SHISA9: variants seen among roughly 807,000 people sequenced by gnomAD.
SHISA9 encodes the protein shisa family member 9.
SHISA9 carries 13 observed loss-of-function variants against 38.0 expected under a neutral mutation model. The ratio of observed to expected loss-of-function variants is 0.34; its 90% CI spans 0.22 to 0.54. The LOEUF (loss-of-function observed/expected upper bound fraction) is 0.54. SHISA9 is among the 20% of genes least tolerant of loss of function. The pLI, the probability that SHISA9 is intolerant of heterozygous loss-of-function variation, is 0.91. For synonymous variants in SHISA9, 275 were observed against 242.0 expected, an observed-to-expected ratio of 1.14 and a Z score of -1.27; for missense variants, 538 against 575.8, an observed-to-expected ratio of 0.93 and a Z score of 0.67.
intron 1 of SHISA9, chr16:12,910,162 A>T (rs2141712977): frequency 6.6e-6 from 1 of 152,456 alleles, no homozygotes; most frequent in Admixed American, 6.5e-5. Flanking sequence ...TGGCCCTTTT[A>T]TTATTCATAG....
chr16:13,402,487 T>C, the SHISA9 span, among the ~76,000 whole-genome samples: 1 of 151,864 alleles, frequency 6.6e-6, no homozygotes, highest in African/African-American at 2.4e-5. Context: ...GATTGGATGA[T>C]GTCACCTACA....
At chr16:13,001,667 C>G (rs913304361) in intron 2 of SHISA9, among the ~76,000 whole-genome samples, 12 of 152,152 alleles carry the variant, frequency 7.9e-5, no homozygotes, top group Non-Finnish European at 1.5e-4. Flanking sequence ...ATGTTTAACT[C>G]AAACTCATAA....
At chr16:13,349,386 G>T in the SHISA9 span, among the ~76,000 whole-genome samples, 2 of 152,334 alleles carry the variant, frequency 1.3e-5, no homozygotes, top group East Asian at 3.9e-4. Flanking sequence ...TGAAGTGATA[G>T]GGGACAGACT....
At chr16:13,220,192 T>C (rs2051209631) in intron 4 of SHISA9, among the ~76,000 whole-genome samples, 1 of 152,166 alleles carries the variant, frequency 6.6e-6, no homozygotes, top group Admixed American at 6.5e-5. Context: ...TCTTCTTATC[T>C]CAGGTGATTT....
chr16:13,479,788 T>C, the SHISA9 span, among the ~76,000 whole-genome samples: 1 of 152,166 alleles, frequency 6.6e-6, no homozygotes, highest in Admixed American at 6.5e-5. Flanking sequence ...TCACTGGTGG[T>C]TTGGTAAAGC....
intron 2 of SHISA9, among the ~76,000 whole-genome samples, chr16:13,043,635 C>G (rs1216115956): frequency 2.6e-5 from 4 of 152,230 alleles, no homozygotes; most frequent in African/African-American, 9.6e-5. Flanking sequence ...CCTCCCACAG[C>G]TTGAACTCAC....
intron 3 of SHISA9, 150 bp from the exon 4 acceptor site, chr16:13,213,103 G>A: frequency 1.6e-6 from 1 of 635,306 alleles, no homozygotes; most frequent in Non-Finnish European, 2.8e-6. Flanking sequence ...TTCACACGTG[G>A]CTCCCTTCCC....
chr16:13,533,781 ATTTTTT>A, the SHISA9 span, among the ~76,000 whole-genome samples: 2 of 128,178 alleles, frequency 1.6e-5, no homozygotes, highest in Admixed American at 8.0e-5. Context: ...ATAACTCTCA[ATTTTTT>A]TTTTTTTTTT....
chr16:12,942,881 T>C (rs781360438), intron 2 of SHISA9, among the ~76,000 whole-genome samples: 2 of 152,146 alleles, frequency 1.3e-5, no homozygotes, highest in Non-Finnish European at 2.9e-5. Flanking sequence ...GTCTCTCACC[T>C]TTAGGCACAC....
At chr16:13,152,401 AACTTTGGATG>A (rs1314636507) in intron 2 of SHISA9, among the ~76,000 whole-genome samples, 2 of 152,238 alleles carry the variant, frequency 1.3e-5, no homozygotes, top group African/African-American at 4.8e-5. Flanking sequence ...AAGAGAAACT[AACTTTGGATG>A]ACTTAAACAA....
intron 2 of SHISA9, among the ~76,000 whole-genome samples, chr16:13,169,824 G>C (rs1171180810): frequency 2.6e-5 from 4 of 152,140 alleles, no homozygotes; most frequent in African/African-American, 9.7e-5. Context: ...CTTCTCTTGG[G>C]GCTTTCCTGG....
intron 4 of SHISA9, among the ~76,000 whole-genome samples, chr16:13,223,517 A>T (rs2051249762): frequency 6.6e-6 from 1 of 152,156 alleles, no homozygotes; most frequent in South Asian, 2.1e-4. Context: ...CCTTCTCAAC[A>T]TTCCCAGATC....
At chr16:13,528,856 A>G in the SHISA9 span, among the ~76,000 whole-genome samples, 1 of 152,250 alleles carries the variant, frequency 6.6e-6, no homozygotes, top group Non-Finnish European at 1.5e-5. Context: ...TACCCCATAA[A>G]GTTTTAGTAT....
chr16:13,295,536 G>A, the SHISA9 span, among the ~76,000 whole-genome samples: 2 of 152,172 alleles, frequency 1.3e-5, no homozygotes, highest in South Asian at 4.1e-4. Context: ...TCCTTCAGAG[G>A]GCATTGAAAA....
chr16:13,026,763 A>C (rs1452008458), intron 2 of SHISA9, among the ~76,000 whole-genome samples: 1 of 152,182 alleles, frequency 6.6e-6, no homozygotes, highest in African/African-American at 2.4e-5. Flanking sequence ...TTCTCATAGC[A>C]TCATTTTGAA....
chr16:13,286,453 A>C, the SHISA9 span, among the ~76,000 whole-genome samples: 1 of 152,290 alleles, frequency 6.6e-6, no homozygotes, highest in South Asian at 2.1e-4. Flanking sequence ...AAATTTATTC[A>C]CACCAGTGTA....
the SHISA9 span, among the ~76,000 whole-genome samples, chr16:13,547,868 T>TA: frequency 6.6e-6 from 1 of 150,490 alleles, no homozygotes; most frequent in Non-Finnish European, 1.5e-5. Context: ...AAAAAAAACA[T>TA]AAAATTAGTA....
At chr16:12,982,548 C>A (rs370195903) in intron 2 of SHISA9, among the ~76,000 whole-genome samples, 15 of 152,264 alleles carry the variant, frequency 9.9e-5, no homozygotes, top group African/African-American at 3.6e-4. Context: ...TACCCAATTC[C>A]CTGAAGTCCC....
At chr16:13,059,038 A>C (rs984060524) in intron 2 of SHISA9, among the ~76,000 whole-genome samples, 1 of 150,970 alleles carries the variant, frequency 6.6e-6, no homozygotes, top group African/African-American at 2.4e-5. Context: ...TGTTCCCCCA[A>C]CTCCTATGTT....
Sources: allele counts gnomAD v4.1 joint callset (sites outside exome capture counted in the v4.1 genomes callset), GRCh38; gene constraint gnomAD v4.1.1; transcripts MANE v1.5; gene names NCBI Gene and HGNC (gene_info 2026-07-23, HGNC 2026-07-21).